Variants in SCAMP5 observed in about 807,000 individuals in gnomAD.
The protein encoded by SCAMP5 is secretory carrier membrane protein 5.
SCAMP5 carries 7 observed loss-of-function variants against 28.3 expected under a neutral mutation model. That is an observed-to-expected ratio of 0.25 (90% CI 0.14 to 0.46). The LOEUF (loss-of-function observed/expected upper bound fraction) is 0.46. Ranked by LOEUF, SCAMP5 falls within the 20% of genes least tolerant of loss-of-function variation. The pLI is 0.99. For synonymous variants in SCAMP5, 117 were observed against 116.4 expected, an observed-to-expected ratio of 1.00 and a Z score of -0.03; for missense variants, 192 against 312.5, an observed-to-expected ratio of 0.61 and a Z score of 2.91.
Position 75,012,709 on chromosome 15 carries a change from T to C in SCAMP5, c.40T>C (p.Phe14Leu). The change falls in exon 3 of 7, where the codon TTC becomes CTC. Residue 14 changes from phenylalanine (F) to leucine (L), a missense_variant. Physicochemically the swap from Phe to Leu is conservative, Grantham distance 22 (BLOSUM62 0). Coordinates refer to ENST00000425597, the MANE Select transcript of SCAMP5 (RefSeq NM_138967.4). ...KVNNFPPLPKFIPLKPCFYQD... is the reference protein window; with the variant it reads ...KVNNFPPLPKLIPLKPCFYQD... ...GAACAACTTCCCACCATTGCCCAAA[T>C]TCATCCCGCTGAAGCCATGTTTCTA... is the stretch of plus-strand genomic sequence containing the variant. The C allele has an allele frequency of 1.2e-6, 2 of 1,614,002 alleles. No individual in the cohort carries two copies. The highest frequency in any genetic ancestry group is 1.7e-6 in the Non-Finnish European group (2 of 1,179,866).
chr15:75,016,502 G>T, intron 3 of SCAMP5, 91 bp from the exon 4 acceptor site: 1 of 1,206,864 alleles, frequency 8.3e-7, no homozygotes, highest in Non-Finnish European at 1.2e-6. Flanking sequence ...TTGCGTTACT[G>T]GTGTGTGTGT....
chr15:75,003,202 C>T (rs1162558269), intron 1 of SCAMP5, among the ~76,000 whole-genome samples: 2 of 152,212 alleles, frequency 1.3e-5, no homozygotes, highest in African/African-American at 2.4e-5. Flanking sequence ...GGATTACAGG[C>T]GTGAGCCATG....
At chr15:75,003,143 G>C (rs1436591269) in intron 1 of SCAMP5, among the ~76,000 whole-genome samples, 1 of 152,132 alleles carries the variant, frequency 6.6e-6, no homozygotes, top group Non-Finnish European at 1.5e-5. Context: ...GGCTGGTCTC[G>C]AACTCCTGAC....
chr15:75,013,089 T>C (rs565252067), intron 3 of SCAMP5: 71 of 440,456 alleles, frequency 1.6e-4, no homozygotes, highest in Admixed American at 4.5e-4. Flanking sequence ...GGGGTCCCTC[T>C]CTGCAGTGTA....
At chr15:74,999,756 C>T (rs766185291) in intron 1 of SCAMP5, among the ~76,000 whole-genome samples, 74 of 152,186 alleles carry the variant, frequency 4.9e-4, no homozygotes, top group Middle Eastern at 3.4e-3. Context: ...GGGCCGAGAT[C>T]GCGCCACTGC....
chr15:75,009,735 CA>C (rs2065794195), intron 1 of SCAMP5, among the ~76,000 whole-genome samples: 1 of 152,104 alleles, frequency 6.6e-6, no homozygotes, highest in African/African-American at 2.4e-5. Flanking sequence ...CTCGGACTCC[CA>C]AAATGCTGGG....
chr15:75,014,809 A>T (rs1468749556), intron 3 of SCAMP5, among the ~76,000 whole-genome samples: 1 of 152,162 alleles, frequency 6.6e-6, no homozygotes, highest in African/African-American at 2.4e-5. Flanking sequence ...TGAGCAAGGG[A>T]GCTGGGGCAG....
At chr15:75,008,801 A>G (rs1056121439) in intron 1 of SCAMP5, among the ~76,000 whole-genome samples, 4 of 152,058 alleles carry the variant, frequency 2.6e-5, no homozygotes, top group African/African-American at 9.7e-5. Flanking sequence ...CATGGCTGGC[A>G]TCTTTTTTAC....
At chr15:75,017,759 T>A in intron 4 of SCAMP5, 111 bp from the exon 5 acceptor site, 1 of 770,302 alleles carries the variant, frequency 1.3e-6, no homozygotes, top group Admixed American at 1.8e-5. Flanking sequence ...TTAAGGCCTT[T>A]AAATGTCTTC....
intron 3 of SCAMP5, among the ~76,000 whole-genome samples, chr15:75,015,830 G>C (rs1187423247): frequency 2.0e-5 from 3 of 150,022 alleles, no homozygotes; most frequent in Non-Finnish European, 4.4e-5. Context: ...GGAGGCTGAA[G>C]CAGGAGAATC....
At chr15:74,998,931 C>T (rs1201967907) in intron 1 of SCAMP5, among the ~76,000 whole-genome samples, 1 of 152,130 alleles carries the variant, frequency 6.6e-6, no homozygotes, top group African/African-American at 2.4e-5. Flanking sequence ...AGGCTGGAGC[C>T]CGGTTAGGGA....
chr15:75,001,483 A>C (rs1489220687), intron 1 of SCAMP5, among the ~76,000 whole-genome samples: 1 of 151,630 alleles, frequency 6.6e-6, no homozygotes, highest in Non-Finnish European at 1.5e-5. Context: ...CCTCTATCAC[A>C]GAGAAAATTG....
At chr15:75,017,697 G>T (rs1387909525) in intron 4 of SCAMP5, 173 bp from the exon 5 acceptor site, 2 of 633,174 alleles carry the variant, frequency 3.2e-6, no homozygotes, top group African/African-American at 1.8e-5. Flanking sequence ...GGTCTACCAC[G>T]TGGAAACTTG....
chr15:75,017,697 G>C (rs1387909525), intron 4 of SCAMP5, 173 bp from the exon 5 acceptor site: 2 of 633,174 alleles, frequency 3.2e-6, no homozygotes, highest in Admixed American at 2.5e-5. Context: ...GGTCTACCAC[G>C]TGGAAACTTG....
chr15:74,998,698 G>A (rs975546945), intron 1 of SCAMP5, among the ~76,000 whole-genome samples: 2 of 147,622 alleles, frequency 1.4e-5, no homozygotes, highest in African/African-American at 5.1e-5. Flanking sequence ...AGGCTTCCCA[G>A]AAACAAGGGC....
rs1395350677 is a variant in SCAMP5 at position 75,020,137 on chromosome 15, G to C, written c.*1154G>C. 6.6e-6 allele frequency: 1 copy of C among 152,282 alleles called. No individual in the cohort carries two copies. Among genetic ancestry groups the C allele is most frequent in the East Asian group, 1.9e-4 (1 of 5,186 alleles). 9.4% of individuals were successfully genotyped at this position (152,282 alleles called of 1,614,324 possible). A position where few individuals can be genotyped will look rare whatever the true frequency, so the allele number is the denominator to read the frequency against. On this transcript the variant is annotated 3_prime_UTR_variant, in exon 7 of 7. Coordinates refer to ENST00000425597, the MANE Select transcript of SCAMP5 (RefSeq NM_138967.4). The stretch of plus-strand genomic sequence containing the variant: ...GCATGTCAGTAATGATTGGTCCCTG[G>C]GGAAGGTCTGGCTGGCTCCAGCACA...
intron 2 of SCAMP5, 124 bp downstream of exon 2, chr15:75,011,970 C>A: frequency 1.4e-6 from 1 of 699,120 alleles, no homozygotes; most frequent in Non-Finnish European, 2.5e-6. Flanking sequence ...TTACTGTCCC[C>A]AAGCTTTCCC....
rs1184001195 is a variant in SCAMP5 at position 75,021,131 on chromosome 15, C to T, written c.*2148C>T. The stretch of plus-strand genomic sequence containing the variant: ...TCCTACCTGCCTCTTTGGCTTGGAC[C>T]TATATGGCCATGCTCTGGCTCTACC... On this transcript the variant is annotated 3_prime_UTR_variant, in exon 7 of 7. Coordinates refer to ENST00000425597, the MANE Select transcript of SCAMP5 (RefSeq NM_138967.4). 1 of 152,274 alleles carries T rather than the reference C, an allele frequency of 6.6e-6. No individual in the cohort carries two copies. The highest frequency in any genetic ancestry group is 1.5e-5 in the Non-Finnish European group (1 of 68,120). 9.4% of individuals were successfully genotyped at this position (152,274 alleles called of 1,614,324 possible). A position where few individuals can be genotyped will look rare whatever the true frequency, so the allele number is the denominator to read the frequency against.
rs7181451 is a variant in SCAMP5, at chr15:75,008,279, A to G, written c.-48-3513A>G. On this transcript the variant is annotated intron_variant, in intron 1 of 6. Transcript: ENST00000425597. ...ATAAAGAATGGAAGTCTCTCTACTC[A>G]TCGTAGCCCTTCCGTTATGTAGGTG... 9.6e-3 allele frequency among the ~76,000 whole-genome samples: 1,459 copies of G among 152,188 alleles called. 26 individuals carry two copies. Among genetic ancestry groups the G allele is most frequent in the African/African-American group, 0.034 (1,403 of 41,540 alleles).
Sources: gnomAD v4.1 joint callset for allele counts (sites outside exome capture counted in the v4.1 genomes callset) on GRCh38, gnomAD v4.1.1 for gene constraint, MANE v1.5 for transcripts, NCBI Gene and HGNC (gene_info 2026-07-23, HGNC 2026-07-21) for gene names.